Variants in OPCML observed in about 807,000 individuals in gnomAD.
OPCML encodes opioid-binding protein/cell adhesion molecule.
In OPCML, 13 loss-of-function variants were observed where a neutral mutation model predicts 37.8. That is an observed-to-expected ratio of 0.34 (90% CI 0.22 to 0.55). OPCML has a LOEUF of 0.55. Ranked by LOEUF, OPCML falls within the 20% of genes least tolerant of loss-of-function variation. OPCML has a pLI of 0.91. For synonymous variants in OPCML, 176 were observed against 168.8 expected (o/e 1.04, Z -0.33); for missense variants, 341 against 435.6 (o/e 0.78, Z 1.93).
chr11:132,605,494 G>A (rs548201386), intron 3 of OPCML, among the ~76,000 whole-genome samples: 6 of 152,090 alleles, frequency 3.9e-5, no homozygotes, highest in African/African-American at 1.4e-4. Flanking sequence ...AACCCGGGAG[G>A]TGGAGGTTGC....
At chr11:133,048,829 ATGT>A (rs1171382994) in intron 1 of OPCML, among the ~76,000 whole-genome samples, 1 of 152,184 alleles carries the variant, frequency 6.6e-6, no homozygotes, top group African/African-American at 2.4e-5. Flanking sequence ...TATTTAGGAC[ATGT>A]TTCCCAGAAT....
At chr11:132,774,302 C>T (rs1382600982) in intron 2 of OPCML, among the ~76,000 whole-genome samples, 1 of 152,224 alleles carries the variant, frequency 6.6e-6, no homozygotes, top group Non-Finnish European at 1.5e-5. Flanking sequence ...CTTCTTAACT[C>T]TATTAATTTA....
intron 1 of OPCML, among the ~76,000 whole-genome samples, chr11:133,016,603 T>C (rs1244967945): frequency 6.6e-6 from 1 of 152,182 alleles, no homozygotes; most frequent in Non-Finnish European, 1.5e-5. Flanking sequence ...GAACATAATA[T>C]AATCAGAGTG....
rs539714950 is a variant in OPCML at position 133,206,774 on chromosome 11, T to A, written c.62-263764A>T. Among the ~76,000 whole-genome samples the A allele has an allele frequency of 6.6e-6, 1 of 151,890 alleles. No homozygotes were observed. Among genetic ancestry groups the A allele is most frequent in the South Asian group, 2.1e-4 (1 of 4,808 alleles). Reference sequence around the variant, plus strand: ...CAAGAAATGCACTGCCTCGGCGGAGTCTTCTGGTCCGCAGGTTTGTGAATG... The same window carrying A: ...CAAGAAATGCACTGCCTCGGCGGAGACTTCTGGTCCGCAGGTTTGTGAATG... On this transcript the variant is annotated intron_variant, in intron 1 of 7. Coordinates refer to ENST00000524381, the MANE Select transcript of OPCML (RefSeq NM_001012393.5). This position sits in a 1 kb window ranked among gnomAD's most constrained non-coding sequence, Gnocchi z 4.7.
At chr11:133,178,934 G>A (rs942849820) in intron 1 of OPCML, among the ~76,000 whole-genome samples, 10 of 151,966 alleles carry the variant, frequency 6.6e-5, no homozygotes, top group Non-Finnish European at 1.2e-4. Context: ...GTTTTCACTC[G>A]CTGCCTCTAA....
intron 3 of OPCML, among the ~76,000 whole-genome samples, chr11:132,590,134 A>C: frequency 6.6e-6 from 1 of 152,154 alleles, no homozygotes; most frequent in East Asian, 1.9e-4. Flanking sequence ...CTAGTTCTGC[A>C]GGGCTTTATA....
At chr11:132,576,872 G>A (rs576265530) in intron 3 of OPCML, among the ~76,000 whole-genome samples, 13 of 152,102 alleles carry the variant, frequency 8.5e-5, no homozygotes, top group Non-Finnish European at 1.8e-4. Flanking sequence ...AGGAAAGGGC[G>A]CTATAGTGTC....
chr11:132,803,358 G>A (rs575882262), intron 2 of OPCML, among the ~76,000 whole-genome samples: 52 of 152,214 alleles, frequency 3.4e-4, no homozygotes, highest in African/African-American at 1.1e-3. Flanking sequence ...AATTTTAAAC[G>A]AGCTTCTTTT....
intron 1 of OPCML, among the ~76,000 whole-genome samples, chr11:133,171,862 G>C (rs1470728950): frequency 6.6e-6 from 1 of 152,182 alleles, no homozygotes; most frequent in Non-Finnish European, 1.5e-5. Flanking sequence ...AGGTGAAGAA[G>C]GCATGCTGCT....
intron 1 of OPCML, among the ~76,000 whole-genome samples, chr11:133,251,096 T>C (rs1376776915): frequency 6.6e-6 from 1 of 152,132 alleles, no homozygotes; most frequent in Non-Finnish European, 1.5e-5. Context: ...ATCATGTTTA[T>C]ATAGGGAATT....
At chr11:133,503,734 C>A (rs1314906155) in intron 1 of OPCML, among the ~76,000 whole-genome samples, 1 of 152,142 alleles carries the variant, frequency 6.6e-6, no homozygotes, top group African/African-American at 2.4e-5. Flanking sequence ...TTTACCACAC[C>A]AAGAATCCCT....
intron 2 of OPCML, chr11:132,859,478 C>T (rs896266369): frequency 6.6e-6 from 1 of 152,122 alleles, no homozygotes; most frequent in African/African-American, 2.4e-5. Flanking sequence ...GGTTTTATAT[C>T]GTGAAATGCA....
chr11:132,620,567 C>T (rs961377680), intron 3 of OPCML, among the ~76,000 whole-genome samples: 6 of 152,194 alleles, frequency 3.9e-5, no homozygotes, highest in African/African-American at 1.4e-4. Flanking sequence ...TGACGCTTTA[C>T]CAACACTGGC....
At chr11:132,564,723 T>TA (rs199497855) in intron 3 of OPCML, among the ~76,000 whole-genome samples, 191 of 151,292 alleles carry the variant, frequency 1.3e-3, no homozygotes, top group South Asian at 3.8e-3. Context: ...TCTACAGTGT[T>TA]AAAAAAAAAG....
chr11:133,295,422 T>C (rs1942605985), intron 1 of OPCML, among the ~76,000 whole-genome samples: 1 of 152,184 alleles, frequency 6.6e-6, no homozygotes, highest in Non-Finnish European at 1.5e-5. Flanking sequence ...TGAACTTTGA[T>C]ACAGGAGCAT....
chr11:132,993,540 A>G (rs1169059311), intron 1 of OPCML, among the ~76,000 whole-genome samples: 28 of 152,174 alleles, frequency 1.8e-4, no homozygotes, highest in Admixed American at 1.8e-3. Context: ...CCAGGCAGGA[A>G]GGACTCATTT....
intron 2 of OPCML, among the ~76,000 whole-genome samples, chr11:132,703,123 G>T (rs905158581): frequency 1.3e-5 from 2 of 152,064 alleles, no homozygotes; most frequent in Non-Finnish European, 2.9e-5. Flanking sequence ...GAAGTGTGTT[G>T]TTAGGTGATT....
In OPCML at chr11:133,450,590, TA is replaced by T. The variant is rs977957842; in HGVS notation, c.61+81673del. ...ATAAATAGAAAAACAAAATGGAATT[TA>T]AAAAAAAACAAGCGAGTGAGAGAGA... is the stretch of plus-strand genomic sequence containing the variant. On this transcript the variant is annotated intron_variant, in intron 1 of 7. Transcript: ENST00000524381. Among the ~76,000 whole-genome samples the T allele has an allele frequency of 3.3e-5, 5 of 150,108 alleles. 1 individual carries two copies. Among genetic ancestry groups the T allele is most frequent in the East Asian group, 1.9e-4 (1 of 5,166 alleles).
At chr11:133,488,348 C>G (rs187809986) in intron 1 of OPCML, among the ~76,000 whole-genome samples, 1 of 152,150 alleles carries the variant, frequency 6.6e-6, no homozygotes, top group Admixed American at 6.5e-5. Flanking sequence ...ATGATATGAT[C>G]TTATATCTAG....
Sources: allele counts gnomAD v4.1 joint callset (sites outside exome capture counted in the v4.1 genomes callset), GRCh38; gene constraint gnomAD v4.1.1; non-coding constraint Gnocchi (gnomAD v3.1); transcripts MANE v1.5; gene names NCBI Gene and HGNC (gene_info 2026-07-23, HGNC 2026-07-21).